TNRC6C: variants seen among roughly 807,000 people sequenced by gnomAD.
The protein encoded by TNRC6C is trinucleotide repeat-containing gene 6C protein.
Under a neutral mutation model 153.7 loss-of-function variants are expected in TNRC6C, and 20 were observed. The observed-to-expected ratio is 0.13, with a 90% CI of 0.09 to 0.19. The LOEUF is 0.19. Among genes scored for constraint, TNRC6C ranks in the 10% least tolerant of loss-of-function variants. The pLI, the probability that TNRC6C is intolerant of heterozygous loss-of-function variation, is 1.00. For synonymous variants in TNRC6C, 811 were observed against 841.4 expected (o/e 0.96, Z 0.63); for missense variants, 1,987 against 2,172.0 (o/e 0.91, Z 1.69).
chr17:77,969,227 G>A (rs2144053494), intron 1 of TNRC6C, among the ~76,000 whole-genome samples: 1 of 152,192 alleles, frequency 6.6e-6, no homozygotes, highest in Admixed American at 6.5e-5. Context: ...CAGACTGACT[G>A]AGGTAGTATA....
At chr17:78,010,987 G>T (rs766933409) in intron 1 of TNRC6C, among the ~76,000 whole-genome samples, 2 of 152,144 alleles carry the variant, frequency 1.3e-5, no homozygotes, top group Non-Finnish European at 2.9e-5. Context: ...GCCTCCCGAG[G>T]GCACTTCTCC....
At chr17:77,962,580 A>G (rs192010689) in intron 1 of TNRC6C, among the ~76,000 whole-genome samples, 1 of 152,252 alleles carries the variant, frequency 6.6e-6, no homozygotes, top group African/African-American at 2.4e-5. Flanking sequence ...AGCTGGCAGA[A>G]GGATAGGTTG....
intron 1 of TNRC6C, among the ~76,000 whole-genome samples, chr17:77,997,281 G>A (rs2071342909): frequency 6.6e-6 from 1 of 152,072 alleles, no homozygotes; most frequent in Non-Finnish European, 1.5e-5. Context: ...ATAATATCAG[G>A]GTTCCTTTGA....
intron 13 of TNRC6C, among the ~76,000 whole-genome samples, chr17:78,089,067 A>C (rs56359015): frequency 0.015 from 2,162 of 148,990 alleles, 50 homozygotes; most frequent in African/African-American, 0.05. Context: ...TTCTGGATTC[A>C]AGCAATTCTC....
At chr17:78,045,088 A>G (rs893386211) in intron 2 of TNRC6C, among the ~76,000 whole-genome samples, 1 of 152,144 alleles carries the variant, frequency 6.6e-6, no homozygotes, top group African/African-American at 2.4e-5. Context: ...ACCATTGGTG[A>G]CCCACTGGGC....
intron 1 of TNRC6C, among the ~76,000 whole-genome samples, chr17:78,028,139 C>T (rs1355620227): frequency 6.6e-6 from 1 of 152,150 alleles, no homozygotes; most frequent in Non-Finnish European, 1.5e-5. Context: ...TTGTGATCTG[C>T]CCGCCTCGGC....
intron 13 of TNRC6C, among the ~76,000 whole-genome samples, chr17:78,087,417 C>T (rs1179850763): frequency 6.6e-6 from 1 of 152,052 alleles, no homozygotes; most frequent in Non-Finnish European, 1.5e-5. Flanking sequence ...CATGCCCAGC[C>T]TCAAGGATTT....
chr17:78,076,292 T>C lies in TNRC6C; in HGVS notation c.3061-893T>C, dbSNP rs531609090. On this transcript the variant is annotated intron_variant, in intron 8 of 19. Transcript: ENST00000301624. ...ATATCAGAGATGGGACTTGATCTTATTTTGAGAGTCCTCCAGCACGTGATC... is the reference window on the plus strand; with the variant it reads ...ATATCAGAGATGGGACTTGATCTTACTTTGAGAGTCCTCCAGCACGTGATC... Among the ~76,000 whole-genome samples, 4 of 152,034 alleles carry C rather than the reference T, an allele frequency of 2.6e-5. No homozygotes were observed. In the South Asian group the frequency reaches 8.3e-4, roughly 32 times the overall value.
chr17:77,978,592 C>T (rs1406544704), intron 1 of TNRC6C, among the ~76,000 whole-genome samples: 2 of 152,040 alleles, frequency 1.3e-5, no homozygotes, highest in Non-Finnish European at 2.9e-5. Flanking sequence ...GCCACATGAC[C>T]CCTCAGAAGC....
rs145024448 is a variant in TNRC6C at position 77,990,467 on chromosome 17, C to T, written c.-37-13703C>T. Among the ~76,000 whole-genome samples the T allele has an allele frequency of 1.7e-3, 255 of 152,308 alleles. 1 individual carries two copies. Among genetic ancestry groups the T allele is most frequent in the African/African-American group, 5.6e-3 (234 of 41,566 alleles). ...GCTCTGCAGCCTTTAGGCCCCCCATCATCTTGCCGTTTCTCAAACATCCTG... is the reference window on the plus strand; with the variant it reads ...GCTCTGCAGCCTTTAGGCCCCCCATTATCTTGCCGTTTCTCAAACATCCTG... On this transcript the variant is annotated intron_variant, in intron 1 of 22. Coordinates refer to the TNRC6C transcript ENST00000636222.
At chr17:78,037,631 A>C (rs1164088374) in intron 2 of TNRC6C, among the ~76,000 whole-genome samples, 1 of 152,250 alleles carries the variant, frequency 6.6e-6, no homozygotes, top group Non-Finnish European at 1.5e-5. Context: ...AAAGCCTCTC[A>C]GTAAGCGCTG....
intron 2 of TNRC6C, among the ~76,000 whole-genome samples, chr17:78,038,412 G>A (rs113523751): frequency 1.7e-3 from 266 of 152,160 alleles, no homozygotes; most frequent in African/African-American, 5.9e-3. Flanking sequence ...GGTGGCTCAC[G>A]CATGTAATCC....
At chr17:77,982,010 G>A (rs28569082) in intron 1 of TNRC6C, among the ~76,000 whole-genome samples, 18 of 152,220 alleles carry the variant, frequency 1.2e-4, no homozygotes, top group East Asian at 1.9e-4. Context: ...TATTTAGTTC[G>A]TGAAGGTGGA....
At chr17:77,983,646 A>G (rs2071113818) in intron 1 of TNRC6C, among the ~76,000 whole-genome samples, 1 of 152,220 alleles carries the variant, frequency 6.6e-6, no homozygotes, top group Non-Finnish European at 1.5e-5. Flanking sequence ...TTGGATGCAT[A>G]GTGAGAGAAG....
At position 78,019,647 on chromosome 17, in the gene TNRC6C, T is replaced by C. The variant is rs987367220; in HGVS notation, c.-545-11869T>C. On this transcript the variant is annotated intron_variant, in intron 1 of 19. Coordinates refer to ENST00000301624, the Ensembl canonical transcript of TNRC6C. ...AAAATTTCCATCTTGCTGAAAGTTTTTTAAAATTATATATGTAGTTATTAA... is the reference window on the plus strand; with the variant it reads ...AAAATTTCCATCTTGCTGAAAGTTTCTTAAAATTATATATGTAGTTATTAA... Among the ~76,000 whole-genome samples the C allele has an allele frequency of 9.2e-5, 14 of 152,348 alleles. No individual in the cohort carries two copies. In the East Asian group the frequency reaches 2.5e-3, roughly 27 times the overall value.
At chr17:78,033,976 C>T (rs2072128022) in intron 2 of TNRC6C, among the ~76,000 whole-genome samples, 1 of 152,192 alleles carries the variant, frequency 6.6e-6, no homozygotes, top group Non-Finnish European at 1.5e-5. Context: ...CACAAACTCT[C>T]CGTTTTTCTC....
chr17:78,036,652 G>A (rs557905293), intron 2 of TNRC6C, among the ~76,000 whole-genome samples: 11 of 152,258 alleles, frequency 7.2e-5, no homozygotes, highest in East Asian at 1.9e-4. Context: ...GGCCGGGCGC[G>A]TTGGCTCACA....
At chr17:78,016,180 C>T (rs2071724477) in intron 1 of TNRC6C, among the ~76,000 whole-genome samples, 1 of 152,190 alleles carries the variant, frequency 6.6e-6, no homozygotes, top group African/African-American at 2.4e-5. Context: ...TTCTAGAGCA[C>T]AGTGCCACTG....
intron 13 of TNRC6C, among the ~76,000 whole-genome samples, chr17:78,090,630 GTCC>G (rs1254136090): frequency 6.6e-6 from 1 of 152,126 alleles, no homozygotes; most frequent in Non-Finnish European, 1.5e-5. Context: ...TCTTTTCATT[GTCC>G]TCCTCATCAT....
Sources: gnomAD v4.1 joint callset for allele counts (sites outside exome capture counted in the v4.1 genomes callset) on GRCh38, gnomAD v4.1.1 for gene constraint, MANE v1.5 for transcripts, NCBI Gene and HGNC (gene_info 2026-07-23, HGNC 2026-07-21) for gene names.